Variants in TMC1 observed in about 807,000 individuals in gnomAD.
The protein encoded by TMC1 is transmembrane channel like 1.
A neutral mutation model predicts 105.8 loss-of-function variants in TMC1; 84 were observed. The observed-to-expected ratio is 0.79, with a 90% CI of 0.67 to 0.95. The LOEUF (loss-of-function observed/expected upper bound fraction) is 0.95, where lower values mean the gene tolerates loss of function less well. TMC1 is among the 40% of genes least tolerant of loss of function. The pLI, the probability that TMC1 is intolerant of heterozygous loss-of-function variation, is 0.00. For missense variants in TMC1, 817 were observed against 914.1 expected, an observed-to-expected ratio of 0.89 and a Z score of 1.37; for synonymous variants, 315 against 311.5, an observed-to-expected ratio of 1.01 and a Z score of -0.12.
chr9:72,827,335 G>A (rs914403481), intron 21 of TMC1, among the ~76,000 whole-genome samples: 14 of 152,104 alleles, frequency 9.2e-5, no homozygotes, highest in African/African-American at 2.2e-4. Context: ...CCAACAACCC[G>A]GCCTCCACCT....
intron 2 of TMC1, among the ~76,000 whole-genome samples, chr9:72,612,459 C>A (rs141296912): frequency 6.6e-5 from 10 of 150,854 alleles, no homozygotes; most frequent in Admixed American, 1.3e-4. Flanking sequence ...CAGACAAGAG[C>A]CACCACTCCC....
At chr9:72,606,790 C>T (rs1344874762) in intron 2 of TMC1, among the ~76,000 whole-genome samples, 2 of 152,132 alleles carry the variant, frequency 1.3e-5, no homozygotes, top group African/African-American at 4.8e-5. Context: ...TGGTGCTAGA[C>T]TGCCTGGGTT....
intron 9 of TMC1, chr9:72,741,174 A>G (rs976821511): frequency 6.1e-6 from 1 of 163,552 alleles, no homozygotes; most frequent in Non-Finnish European, 1.3e-5. Context: ...TGGTTTGTTG[A>G]AACAATAATG....
intron 5 of TMC1, among the ~76,000 whole-genome samples, chr9:72,686,985 G>C (rs918942666): frequency 2.0e-5 from 3 of 152,008 alleles, no homozygotes; most frequent in African/African-American, 7.2e-5. Context: ...TCTCTCCCGT[G>C]GTTATTAGAG....
intron 8 of TMC1, among the ~76,000 whole-genome samples, chr9:72,704,975 G>A (rs1256097872): frequency 6.6e-6 from 1 of 151,596 alleles, no homozygotes; most frequent in African/African-American, 2.4e-5. Flanking sequence ...GGGAAACAGT[G>A]TCATATTTTC....
chr9:72,636,212 T>G (rs1366451252), intron 4 of TMC1, among the ~76,000 whole-genome samples: 1 of 152,218 alleles, frequency 6.6e-6, no homozygotes, highest in Non-Finnish European at 1.5e-5. Context: ...CTAAATTGTC[T>G]GGGCTTAGAC....
At chr9:72,718,720 G>A (rs1826964398) in intron 8 of TMC1, among the ~76,000 whole-genome samples, 1 of 152,204 alleles carries the variant, frequency 6.6e-6, no homozygotes, top group Non-Finnish European at 1.5e-5. Flanking sequence ...TACGTCAGCT[G>A]TGGTAGTATA....
At chr9:72,829,064 A>G (rs1829001457) in intron 21 of TMC1, among the ~76,000 whole-genome samples, 1 of 152,196 alleles carries the variant, frequency 6.6e-6, no homozygotes, top group Non-Finnish European at 1.5e-5. Flanking sequence ...TGTCAAATAG[A>G]TGTACTGAAA....
intron 3 of TMC1, among the ~76,000 whole-genome samples, chr9:72,618,473 C>A (rs1286272556): frequency 6.6e-6 from 1 of 151,962 alleles, no homozygotes; most frequent in Non-Finnish European, 1.5e-5. Context: ...GTAGCATAAC[C>A]ACACAGACAG....
At chr9:72,614,371 TAAAGGCCTTTTG>T (rs1355264696) in intron 2 of TMC1, among the ~76,000 whole-genome samples, 1 of 152,238 alleles carries the variant, frequency 6.6e-6, no homozygotes, top group East Asian at 1.9e-4. Context: ...TAAACAGTCA[TAAAGGCCTTTTG>T]AAATTCATAC....
At chr9:72,783,738 C>A (rs1828128147) in intron 13 of TMC1, among the ~76,000 whole-genome samples, 1 of 152,106 alleles carries the variant, frequency 6.6e-6, no homozygotes, top group South Asian at 2.1e-4. Context: ...TAAAGCTGCA[C>A]ATGTACAAGA....
chr9:72,741,318 G>T, intron 9 of TMC1: 2 of 336,428 alleles, frequency 5.9e-6, no homozygotes, highest in South Asian at 3.8e-5. Flanking sequence ...TTTCAGGACA[G>T]CCAGCTTAAC....
At position 72,836,035 on chromosome 9, in the gene TMC1, T is replaced by A; in HGVS notation, c.*62T>A. 6.4e-7 allele frequency: 1 copy of A among 1,569,304 alleles called. No individual in the cohort carries two copies. The highest frequency in any genetic ancestry group is 8.7e-7 in the Non-Finnish European group (1 of 1,144,576). On this transcript the variant is annotated 3_prime_UTR_variant, in exon 24 of 24. Transcript: ENST00000297784. ...CTTGCTGTTTAAAAGTAATGCAATATGTGAACGCCCAGAGAACAAGCACTG... is the reference window on the plus strand; with the variant it reads ...CTTGCTGTTTAAAAGTAATGCAATAAGTGAACGCCCAGAGAACAAGCACTG...
chr9:72,711,061 T>C (rs1826826980), intron 8 of TMC1, among the ~76,000 whole-genome samples: 1 of 152,208 alleles, frequency 6.6e-6, no homozygotes, highest in African/African-American at 2.4e-5. Context: ...AATGATGGTT[T>C]TCAGCTTCAT....
intron 20 of TMC1, 110 bp downstream of exon 20, chr9:72,821,191 G>T: frequency 6.5e-7 from 1 of 1,550,222 alleles, no homozygotes; most frequent in East Asian, 2.2e-5. Context: ...TGACATTTTT[G>T]GTTGGTGGAA....
intron 5 of TMC1, among the ~76,000 whole-genome samples, chr9:72,675,153 G>A (rs1178901112): frequency 2.0e-5 from 3 of 152,126 alleles, no homozygotes; most frequent in Non-Finnish European, 4.4e-5. Context: ...GACAGGATGT[G>A]AAGCTGAACA....
In TMC1 at chr9:72,816,137, C is replaced by T; in HGVS notation, c.1696-6C>T. 6.2e-7 allele frequency: 1 copy of T among 1,613,186 alleles called. No homozygotes were observed. Among genetic ancestry groups the T allele is most frequent in the Non-Finnish European group, 8.5e-7 (1 of 1,179,244 alleles). ...GCTAATCCAATGAACATTGTGTCTC[C>T]TCTAGCCTTCATACACCGAATTCGA... On this transcript the variant is annotated splice_polypyrimidine_tract_variant and splice_region_variant and intron_variant, in intron 18 of 23. Transcript: ENST00000297784.
At chr9:72,548,265 A>G (rs1823804188) in intron 1 of TMC1, among the ~76,000 whole-genome samples, 1 of 152,178 alleles carries the variant, frequency 6.6e-6, no homozygotes, top group Non-Finnish European at 1.5e-5. Context: ...TTTATAGTGT[A>G]TTTATTATTA....
chr9:72,764,113 T>A (rs573460185), intron 12 of TMC1, among the ~76,000 whole-genome samples: 1 of 152,314 alleles, frequency 6.6e-6, no homozygotes, highest in East Asian at 1.9e-4. Flanking sequence ...ATCTAATACA[T>A]CTGTGGTGAC....
Sources: allele counts gnomAD v4.1 joint callset (sites outside exome capture counted in the v4.1 genomes callset), GRCh38; gene constraint gnomAD v4.1.1; transcripts MANE v1.5; gene names NCBI Gene and HGNC (gene_info 2026-07-23, HGNC 2026-07-21).